The following PARP4 variants were observed in gnomAD, a reference collection of about 807,000 sequenced individuals.
PARP4 encodes the protein poly(ADP-ribose) polymerase family member 4.
In PARP4, 120 loss-of-function variants were observed where a neutral mutation model predicts 187.7. That is an observed-to-expected ratio of 0.64 (90% CI 0.55 to 0.74). The LOEUF is 0.74. PARP4 is among the 30% of genes least tolerant of loss of function. The probability of loss-of-function intolerance (pLI) is 0.00; values close to 1 mark genes in which losing one functional copy is unlikely to be tolerated. For missense variants in PARP4, 1,836 were observed against 2,070.5 expected (o/e 0.89, Z 2.20); for synonymous variants, 654 against 740.9 (o/e 0.88, Z 1.90).
intron 25 of PARP4, among the ~76,000 whole-genome samples, chr13:24,449,475 TA>T (rs35355871): frequency 4.0e-5 from 6 of 151,464 alleles, no homozygotes; most frequent in Admixed American, 3.3e-4. Flanking sequence ...TAATTCACTT[TA>T]AAAAAAATCA....
At chr13:24,427,339 C>T in intron 32 of PARP4, among the ~76,000 whole-genome samples, 1 of 150,132 alleles carries the variant, frequency 6.7e-6, no homozygotes, top group East Asian at 2.0e-4. Flanking sequence ...ACTCAATTAA[C>T]AACCCATTTT....
intron 15 of PARP4, among the ~76,000 whole-genome samples, chr13:24,474,157 C>T (rs987675662): frequency 6.6e-6 from 1 of 152,176 alleles, no homozygotes; most frequent in Admixed American, 6.5e-5. Flanking sequence ...AGGGCAAACA[C>T]TCTGCTGTCT....
At chr13:24,464,546 GAA>G (rs1872361038) in intron 17 of PARP4, among the ~76,000 whole-genome samples, 1 of 152,120 alleles carries the variant, frequency 6.6e-6, no homozygotes, top group Non-Finnish European at 1.5e-5. Context: ...AAGCAATGGG[GAA>G]AAGATTCCCT....
rs147512385 is a variant in PARP4, at chr13:24,449,185, A to G, written c.3114+533T>C. On this transcript the variant is annotated intron_variant, in intron 25 of 33. Transcript: ENST00000381989. ...GGGCAGATCATGAGGTCAGGAGATCAAGACCATCCTGGCTAACACAGTGAA... is the reference window on the plus strand; with the variant it reads ...GGGCAGATCATGAGGTCAGGAGATCGAGACCATCCTGGCTAACACAGTGAA... 8.3e-3 allele frequency among the ~76,000 whole-genome samples: 1,267 copies of G among 152,154 alleles called. 6 individuals carry two copies. Among genetic ancestry groups the G allele is most frequent in the African/African-American group, 0.014 (562 of 41,494 alleles).
intron 1 of PARP4, among the ~76,000 whole-genome samples, chr13:24,508,922 G>C (rs1006486582): frequency 2.0e-5 from 3 of 152,172 alleles, no homozygotes; most frequent in Non-Finnish European, 4.4e-5. Context: ...ATTTTTAATA[G>C]AGACTATCAG....
At chr13:24,455,523 G>A (rs1258393024) in intron 21 of PARP4, among the ~76,000 whole-genome samples, 7 of 96,384 alleles carry the variant, frequency 7.3e-5, no homozygotes, top group African/African-American at 1.7e-4. Flanking sequence ...ATTCTAAGAG[G>A]AATATACATG....
chr13:24,465,561 G>A (rs888852558), intron 17 of PARP4, among the ~76,000 whole-genome samples: 4 of 152,128 alleles, frequency 2.6e-5, no homozygotes, highest in African/African-American at 4.8e-5. Context: ...ACACGTGGGA[G>A]CTGAACAATG....
chr13:24,450,850 C>T (rs1369982971), intron 24 of PARP4, among the ~76,000 whole-genome samples: 1 of 152,212 alleles, frequency 6.6e-6, no homozygotes, highest in Non-Finnish European at 1.5e-5. Flanking sequence ...CACCCAGACT[C>T]CCCGTCACAT....
chr13:24,443,819 A>G, intron 27 of PARP4, 89 bp from the exon 28 acceptor site: 2 of 879,428 alleles, frequency 2.3e-6, no homozygotes, highest in Non-Finnish European at 3.8e-6. Flanking sequence ...TGGAGGTATA[A>G]TCTGCATACA....
chr13:24,498,326 T>C lies in PARP4; in HGVS notation c.478-97A>G, dbSNP rs1195134420. 8 of 696,868 alleles carry C rather than the reference T, an allele frequency of 1.1e-5. No individual in the cohort carries two copies. In the Admixed American group the frequency reaches 1.3e-4, roughly 12 times the overall value. 43.2% of individuals were successfully genotyped at this position (696,868 alleles called of 1,614,324 possible). On this transcript the variant is annotated intron_variant, in intron 5 of 33. Transcript: ENST00000381989. Reference sequence around the variant, plus strand: ...TGATTATAATTATAAAATATGTTCATTTAGAGATATAATTTAGAAAATATA... The same window carrying C: ...TGATTATAATTATAAAATATGTTCACTTAGAGATATAATTTAGAAAATATA...
chr13:24,497,425 G>A (rs1869017480), intron 6 of PARP4, among the ~76,000 whole-genome samples: 1 of 152,132 alleles, frequency 6.6e-6, no homozygotes, highest in Non-Finnish European at 1.5e-5. Context: ...GCTTAATGAA[G>A]TATATCAGTG....
intron 20 of PARP4, among the ~76,000 whole-genome samples, chr13:24,457,312 T>C (rs931257395): frequency 6.6e-6 from 1 of 152,204 alleles, no homozygotes; most frequent in Non-Finnish European, 1.5e-5. Flanking sequence ...CTTTGCAATG[T>C]GACTTTTGAA....
intron 12 of PARP4, among the ~76,000 whole-genome samples, chr13:24,480,733 G>A (rs1015351203): frequency 5.3e-5 from 8 of 152,262 alleles, no homozygotes; most frequent in African/African-American, 1.9e-4. Flanking sequence ...TCAGAGAGGT[G>A]AGGAAACTGC....
intron 30 of PARP4, among the ~76,000 whole-genome samples, chr13:24,439,778 T>C (rs1324383170): frequency 6.6e-6 from 1 of 152,196 alleles, no homozygotes; most frequent in Non-Finnish European, 1.5e-5. Context: ...CATCAGAATT[T>C]TTTTTTCCCC....
chr13:24,442,507 A>T (rs1870990168), intron 29 of PARP4, 83 bp downstream of exon 29: 1 of 1,022,392 alleles, frequency 9.8e-7, no homozygotes, highest in Non-Finnish European at 1.5e-6. Flanking sequence ...GGATGTCGTC[A>T]TTAACCATCA....
chr13:24,498,200 C>T lies in PARP4; in HGVS notation c.507G>A (p.Val169=). 6.2e-7 allele frequency: 1 copy of T among 1,613,302 alleles called. No individual in the cohort carries two copies. The highest frequency in any genetic ancestry group is 8.5e-7 in the Non-Finnish European group (1 of 1,179,848). Reference sequence around the variant, plus strand: ...CCCGCGAACACTGAAGCTCCACCACCACAGCTTCCTGGCCTCCCTCCATTC... The same window carrying T: ...CCCGCGAACACTGAAGCTCCACCACTACAGCTTCCTGGCCTCCCTCCATTC... ...KVGMEGGQEA[V]VVELQCSRDS... The change falls in exon 6 of 34, where the codon GTG becomes GTA. Residue 169 remains valine, a synonymous_variant. Coordinates refer to ENST00000381989, the MANE Select transcript of PARP4 (RefSeq NM_006437.4).
chr13:24,472,512 T>C (rs1872768328), intron 15 of PARP4, among the ~76,000 whole-genome samples: 2 of 152,214 alleles, frequency 1.3e-5, no homozygotes, highest in Admixed American at 1.3e-4. Context: ...ATCATGGCAC[T>C]GTACTTGAAC....
intron 30 of PARP4, 109 bp downstream of exon 30, chr13:24,441,737 C>T: frequency 3.1e-6 from 3 of 962,408 alleles, no homozygotes; most frequent in Non-Finnish European, 4.7e-6. Flanking sequence ...ATCAGGGATA[C>T]AACTTCTTCA....
chr13:24,469,477 T>A (rs2137498934), intron 16 of PARP4, among the ~76,000 whole-genome samples: 1 of 152,308 alleles, frequency 6.6e-6, no homozygotes, highest in Admixed American at 6.5e-5. Context: ...ATTAATCAAC[T>A]GTTGTTTCTT....
Sources: gnomAD v4.1 joint callset for allele counts (sites outside exome capture counted in the v4.1 genomes callset) on GRCh38, gnomAD v4.1.1 for gene constraint, MANE v1.5 for transcripts, NCBI Gene and HGNC (gene_info 2026-07-23, HGNC 2026-07-21) for gene names.